Variants in GLIPR2 observed in about 807,000 individuals in gnomAD.
GLIPR2 encodes GLI pathogenesis related 2, also known as Golgi-associated plant pathogenesis-related protein 1.
GLIPR2 carries 21 observed loss-of-function variants against 20.4 expected under a neutral mutation model. That is an observed-to-expected ratio of 1.03 (90% confidence interval 0.73 to 1.48). The LOEUF (loss-of-function observed/expected upper bound fraction) is 1.48. Among genes scored for constraint, GLIPR2 ranks in the 40% most tolerant of loss-of-function variants. The pLI, the probability that GLIPR2 is intolerant of heterozygous loss-of-function variation, is 0.00. For synonymous variants in GLIPR2, 91 were observed against 80.5 expected, an observed-to-expected ratio of 1.13 and a Z score of -0.70; for missense variants, 205 against 200.1, an observed-to-expected ratio of 1.02 and a Z score of -0.15.
chr9:36,159,839 A>G (rs1393186939), intron 4 of GLIPR2, among the ~76,000 whole-genome samples: 1 of 151,984 alleles, frequency 6.6e-6, no homozygotes, highest in African/African-American at 2.4e-5. Flanking sequence ...AGTGGCGTGC[A>G]CCTGTAATCC....
At chr9:36,152,911 G>A (rs1044680118) in intron 4 of GLIPR2, among the ~76,000 whole-genome samples, 8 of 134,146 alleles carry the variant, frequency 6.0e-5, no homozygotes, top group African/African-American at 1.7e-4. Context: ...GAGCAAGACA[G>A]GCCTGGCCAA....
At chr9:36,152,521 G>T (rs1053879967) in intron 4 of GLIPR2, among the ~76,000 whole-genome samples, 4 of 151,858 alleles carry the variant, frequency 2.6e-5, no homozygotes. Context: ...AGGCCGAGGT[G>T]GGTGGATCAC....
intron 4 of GLIPR2, among the ~76,000 whole-genome samples, chr9:36,158,283 AG>A (rs1316957196): frequency 5.9e-5 from 9 of 152,222 alleles, no homozygotes; most frequent in Non-Finnish European, 1.0e-4. Context: ...CTTCCAGAGC[AG>A]CTGTGCCATT....
intron 1 of GLIPR2, among the ~76,000 whole-genome samples, chr9:36,147,453 C>T (rs1825376982): frequency 6.6e-6 from 1 of 152,264 alleles, no homozygotes; most frequent in Admixed American, 6.5e-5. Flanking sequence ...CAGCAGCCAG[C>T]AAGGTCTTTG....
At chr9:36,142,775 G>T (rs1350628952) in intron 1 of GLIPR2, among the ~76,000 whole-genome samples, 1 of 151,958 alleles carries the variant, frequency 6.6e-6, no homozygotes, top group Non-Finnish European at 1.5e-5. Flanking sequence ...TTCTTGCTAG[G>T]TGTGGCAGCT....
Position 36,147,596 on chromosome 9 carries a change from C to T in GLIPR2, c.14-190C>T, listed in dbSNP as rs138968464. On this transcript the variant is annotated intron_variant, in intron 1 of 4. Coordinates refer to ENST00000377960, the MANE Select transcript of GLIPR2 (RefSeq NM_022343.4). The stretch of plus-strand genomic sequence containing the variant: ...GCTTTAGATGTGCAGAGATGTGGAG[C>T]GCGATGCCAGGTAGGGTGAGCAGTG... Among the ~76,000 whole-genome samples the T allele has an allele frequency of 4.2e-3, 642 of 152,316 alleles. 1 individual carries two copies. Among genetic ancestry groups the T allele is most frequent in the Non-Finnish European group, 7.2e-3 (490 of 68,034 alleles).
At position 36,163,465 on chromosome 9, in the gene GLIPR2, CT is replaced by C; in HGVS notation, c.*944del. 6.5e-6 allele frequency: 1 copy of C among 154,976 alleles called. No homozygotes were observed. The highest frequency in any genetic ancestry group is 1.4e-5 in the Non-Finnish European group (1 of 69,746). 9.6% of individuals were successfully genotyped at this position (154,976 alleles called of 1,614,324 possible). A position where few individuals can be genotyped will look rare whatever the true frequency, so the allele number is the denominator to read the frequency against. On this transcript the variant is annotated 3_prime_UTR_variant, in exon 5 of 5. Transcript: ENST00000377960. ...CCAGAGGAAGCCCTCAGCCTCTGCC[CT>C]CCCCCCACACAGGGCGGGAGCCCAG...
chr9:36,163,046 C>T lies in GLIPR2; in HGVS notation c.*524C>T, dbSNP rs999973063. 2.3e-4 allele frequency: 84 copies of T among 357,654 alleles called. 1 individual carries two copies. In the Admixed American group the frequency reaches 3.3e-3, roughly 14 times the overall value. 22.2% of individuals were successfully genotyped at this position (357,654 alleles called of 1,614,324 possible). A position where few individuals can be genotyped will look rare whatever the true frequency, so the allele number is the denominator to read the frequency against. On this transcript the variant is annotated 3_prime_UTR_variant, in exon 5 of 5. Coordinates refer to ENST00000377960, the MANE Select transcript of GLIPR2 (RefSeq NM_022343.4). The stretch of plus-strand genomic sequence containing the variant: ...AGGAACATGGAGCAGGCAGGGACTC[C>T]ATTTTACAGAATTACTGAGATTTCT...
At chr9:36,157,872 GCA>G (rs893188112) in intron 4 of GLIPR2, among the ~76,000 whole-genome samples, 2 of 151,692 alleles carry the variant, frequency 1.3e-5, no homozygotes, top group African/African-American at 2.4e-5. Context: ...GAGTGCAATG[GCA>G]CAGTCTCGGC....
chr9:36,160,425 G>A (rs975881647), intron 4 of GLIPR2, among the ~76,000 whole-genome samples: 1 of 152,090 alleles, frequency 6.6e-6, no homozygotes. Context: ...CCCTGGAGGT[G>A]GAAGCTGAAG....
intron 1 of GLIPR2, chr9:36,144,384 G>A (rs41277089): frequency 6.6e-6 from 1 of 152,296 alleles, no homozygotes; most frequent in Non-Finnish European, 1.5e-5. Context: ...ATGCAACAGA[G>A]CTCCACAACT....
Position 36,148,607 on chromosome 9 carries a change from C to G in GLIPR2, c.183C>G (p.Gly61=). ...AGCACAGCCCGGAGTCCAGCCGTGG[C>G]CAGTGTGGGGAGAACCTTGCATGGG... ...ILKHSPESSR[G]QCGENLAWAS... The change falls in exon 3 of 5, where the codon GGC becomes GGG. Residue 61 remains glycine, a synonymous_variant. Transcript: ENST00000377960. 1 of 1,614,086 alleles carries G rather than the reference C, an allele frequency of 6.2e-7. No homozygotes were observed. The highest frequency in any genetic ancestry group is 8.5e-7 in the Non-Finnish European group (1 of 1,179,918).
chr9:36,162,307 C>T, intron 4 of GLIPR2, 55 bp from the exon 5 acceptor site: 1 of 1,599,642 alleles, frequency 6.3e-7, no homozygotes, highest in Non-Finnish European at 8.5e-7. Flanking sequence ...CCACATCCTT[C>T]TTCAGGCTCT....
intron 3 of GLIPR2, 85 bp downstream of exon 3, chr9:36,148,735 C>G: frequency 1.2e-6 from 1 of 857,240 alleles, no homozygotes; most frequent in Non-Finnish European, 1.9e-6. Context: ...GCCCCAGCAC[C>G]CTCGTGGTGT....
intron 4 of GLIPR2, among the ~76,000 whole-genome samples, chr9:36,156,385 TAAAAAAAAAAA>T (rs58467311): frequency 6.7e-4 from 52 of 77,722 alleles, no homozygotes; most frequent in African/African-American, 2.2e-3. Context: ...AAGCCATGTC[TAAAAAAAAAAA>T]AAAAAAAAAA....
rs1477234393 is a variant in GLIPR2, at chr9:36,152,702, A to C, written c.304+1753A>C. On this transcript the variant is annotated intron_variant, in intron 4 of 4. Transcript: ENST00000377960. Reference sequence around the variant, plus strand: ...GAGGTGGAGGTTGCAGTGAGCCGAGATCATGCCTTTGCACTCCAGCCTGGG... The same window carrying C: ...GAGGTGGAGGTTGCAGTGAGCCGAGCTCATGCCTTTGCACTCCAGCCTGGG... Among the ~76,000 whole-genome samples, 3 of 119,418 alleles carry C rather than the reference A, an allele frequency of 2.5e-5. No individual in the cohort carries two copies. In the Admixed American group the frequency reaches 2.6e-4, roughly 11 times the overall value. The allele number at this position is 119,418 out of a possible 152,430, so 78.3% of individuals were successfully genotyped here. A position where few individuals can be genotyped will look rare whatever the true frequency, so the allele number is the denominator to read the frequency against.
At chr9:36,152,386 G>A (rs981910702) in intron 4 of GLIPR2, among the ~76,000 whole-genome samples, 5 of 152,124 alleles carry the variant, frequency 3.3e-5, no homozygotes, top group African/African-American at 9.7e-5. Context: ...TTCAGCAATC[G>A]GACATGTGTC....
Position 36,150,912 on chromosome 9 carries a change from C to A in GLIPR2, c.267C>A (p.Asn89Lys). ...VADRWYSEIK[N>K]YNFQQPGFTS... ...ATAGATGGTACAGTGAAATCAAGAA[C>A]TATAACTTCCAGCAGCCTGGCTTCA... Residue 89 changes from asparagine (N) to lysine (K), a missense_variant, in exon 4 of 5, where the codon AAC (asparagine) becomes AAA (lysine). Transcript: ENST00000377960. 1 of 1,613,906 alleles carries A rather than the reference C, an allele frequency of 6.2e-7. No homozygotes were observed. Among genetic ancestry groups the A allele is most frequent in the African/African-American group, 1.3e-5 (1 of 75,016 alleles).
At position 36,162,415 on chromosome 9, in the gene GLIPR2, G is replaced by T. The variant is rs771620492; in HGVS notation, c.358G>T (p.Ala120Ser). Residue 120 changes from alanine to serine, a missense_variant, in exon 5 of 5, where the codon GCG becomes TCG. By Grantham distance (99) the Ala-to-Ser change is moderately conservative. Transcript: ENST00000377960. ...KNTKKMGVGK[A>S]SASDGSSFVV... Reference sequence around the variant, plus strand: ...CACCAAGAAGATGGGCGTGGGGAAGGCGTCCGCAAGTGACGGGTCCTCCTT... The same window carrying T: ...CACCAAGAAGATGGGCGTGGGGAAGTCGTCCGCAAGTGACGGGTCCTCCTT... The T allele has an allele frequency of 6.2e-7, 1 of 1,613,992 alleles. No homozygotes were observed. The highest frequency in any genetic ancestry group is 8.5e-7 in the Non-Finnish European group (1 of 1,179,926).
Sources: gnomAD v4.1 joint callset for allele counts (sites outside exome capture counted in the v4.1 genomes callset) on GRCh38, gnomAD v4.1.1 for gene constraint, MANE v1.5 for transcripts, NCBI Gene and HGNC (gene_info 2026-07-23, HGNC 2026-07-21) for gene names.